Variants in PUS7 observed in about 807,000 individuals in gnomAD.
PUS7 encodes pseudouridine synthase 7.
In PUS7, 48 loss-of-function variants were observed where a neutral mutation model predicts 79.8. The observed-to-expected ratio is 0.60, with a 90% confidence interval of 0.48 to 0.76. The LOEUF is 0.76. Among genes scored for constraint, PUS7 ranks in the 30% least tolerant of loss-of-function variants. The probability of loss-of-function intolerance (pLI) is 0.00; values close to 1 mark genes in which losing one functional copy is unlikely to be tolerated. For synonymous variants in PUS7, 286 were observed against 272.2 expected (o/e 1.05, Z -0.50); for missense variants, 729 against 797.6 (o/e 0.91, Z 1.04).
At chr7:105,464,998 T>C (rs1373380091) in intron 13 of PUS7, among the ~76,000 whole-genome samples, 1 of 152,060 alleles carries the variant, frequency 6.6e-6, no homozygotes, top group Non-Finnish European at 1.5e-5. Flanking sequence ...TTTGTATTTT[T>C]AGTAGAGACG....
Position 105,505,985 on chromosome 7 carries a change from G to T in PUS7, c.555C>A (p.Phe185Leu), listed in dbSNP as rs752702466. 5 of 1,612,234 alleles carry T rather than the reference G, an allele frequency of 3.1e-6. No homozygotes were observed. The Admixed American group carries it at 5.0e-5, about 16-fold the overall frequency. ...EKQRLEELQL[F>L]KNKETSVAIE... ...TGGCAACACTGGTTTCCTTATTTTT[G>T]AACAGCTGGAGCTCTTCCAATCGCT... is the stretch of plus-strand genomic sequence containing the variant. The change falls in exon 4 of 16, where the codon TTC (phenylalanine) becomes TTA (leucine). Residue 185 changes from phenylalanine to leucine, a missense_variant. Phe to Leu is a conservative substitution (Grantham distance 22, BLOSUM62 0). Transcript: ENST00000469408.
chr7:105,457,675 A>C lies in PUS7; in HGVS notation c.*115T>G. 1 of 1,057,032 alleles carries C rather than the reference A, an allele frequency of 9.5e-7. No homozygotes were observed. The highest frequency in any genetic ancestry group is 1.6e-5 in the African/African-American group (1 of 61,592). 65.5% of individuals were successfully genotyped at this position (1,057,032 alleles called of 1,614,324 possible). On this transcript the variant is annotated 3_prime_UTR_variant, in exon 16 of 16. Coordinates refer to ENST00000469408, the MANE Select transcript of PUS7 (RefSeq NM_019042.5). ...TAATAAAAACTTAAAAATACAAATA[A>C]TTTTTATTACAAAGATTTGAAATCC...
chr7:105,490,176 C>T (rs1475503397), intron 7 of PUS7, among the ~76,000 whole-genome samples: 1 of 150,448 alleles, frequency 6.6e-6, no homozygotes, highest in Non-Finnish European at 1.5e-5. Context: ...AGGTAGCAAA[C>T]ATAGCGTACT....
intron 1 of PUS7, among the ~76,000 whole-genome samples, chr7:105,515,189 A>G (rs190756127): frequency 6.6e-6 from 1 of 152,194 alleles, no homozygotes; most frequent in Non-Finnish European, 1.5e-5. Context: ...CAGAAAACCC[A>G]TAACTATTAC....
At chr7:105,502,695 T>C in intron 4 of PUS7, 131 bp from the exon 5 acceptor site, 1 of 1,017,686 alleles carries the variant, frequency 9.8e-7, no homozygotes, top group South Asian at 1.5e-5. Flanking sequence ...GCATACGATT[T>C]CAAAAATCTT....
intron 1 of PUS7, among the ~76,000 whole-genome samples, chr7:105,514,056 C>T (rs1232028854): frequency 7.3e-6 from 1 of 136,080 alleles, no homozygotes; most frequent in African/African-American, 2.6e-5. Flanking sequence ...TGGTGAAACC[C>T]CGTCTCTACT....
chr7:105,518,170 G>A (rs964873104), intron 1 of PUS7, among the ~76,000 whole-genome samples: 30 of 150,768 alleles, frequency 2.0e-4, no homozygotes, highest in African/African-American at 6.8e-4. Flanking sequence ...AAAATAAGCC[G>A]GGCAAGGTGG....
intron 14 of PUS7, chr7:105,462,092 GA>G (rs2133038849): frequency 1.9e-5 from 1 of 51,442 alleles, no homozygotes; most frequent in South Asian, 1.3e-3. Context: ...AAAAGGAAAA[GA>G]AAAAGAAAAG....
rs1823241225 is a variant in PUS7 at position 105,457,679 on chromosome 7, T to A, written c.*111A>T. On this transcript the variant is annotated 3_prime_UTR_variant, in exon 16 of 16. Coordinates refer to ENST00000469408, the MANE Select transcript of PUS7 (RefSeq NM_019042.5). ...AAAAACTTAAAAATACAAATAATTT[T>A]TATTACAAAGATTTGAAATCCATAT... 1 of 1,075,858 alleles carries A rather than the reference T, an allele frequency of 9.3e-7. No individual in the cohort carries two copies. Among genetic ancestry groups the A allele is most frequent in the Non-Finnish European group, 1.3e-6 (1 of 778,288 alleles). 66.6% of individuals were successfully genotyped at this position (1,075,858 alleles called of 1,614,324 possible). A position where few individuals can be genotyped will look rare whatever the true frequency, so the allele number is the denominator to read the frequency against.
intron 6 of PUS7, among the ~76,000 whole-genome samples, chr7:105,492,658 A>C (rs1371886596): frequency 6.6e-6 from 1 of 151,218 alleles, no homozygotes; most frequent in Non-Finnish European, 1.5e-5. Flanking sequence ...GGCGCCCGCC[A>C]CTACGCCCGG....
At position 105,517,349 on chromosome 7, in the gene PUS7, C is replaced by A. The variant is rs818480; in HGVS notation, c.-33+4703G>T. Among the ~76,000 whole-genome samples, 811 of 151,882 alleles carry A rather than the reference C, an allele frequency of 5.3e-3. 8 individuals are homozygous for A. The highest frequency in any genetic ancestry group is 0.018 in the African/African-American group (747 of 41,438). On this transcript the variant is annotated intron_variant, in intron 1 of 15. Coordinates refer to ENST00000469408, the MANE Select transcript of PUS7 (RefSeq NM_019042.5). Reference sequence around the variant, plus strand: ...CTAATTTTTGTATTTTTAGTAGAGACGGGTTTTCACCATGTTGGCCAGGCT... The same window carrying A: ...CTAATTTTTGTATTTTTAGTAGAGAAGGGTTTTCACCATGTTGGCCAGGCT...
Position 105,486,669 on chromosome 7 carries a change from G to A in PUS7, c.921-4229C>T, listed in dbSNP as rs535705850. 3.7e-4 allele frequency among the ~76,000 whole-genome samples: 56 copies of A among 152,276 alleles called. No individual in the cohort carries two copies. In the South Asian group the frequency reaches 8.7e-3, roughly 24 times the overall value. On this transcript the variant is annotated intron_variant, in intron 7 of 15. Transcript: ENST00000469408. ...CAATTCAGGGTCAGGAGCTGTCCTA[G>A]AGAGAGTGTTCCGGAGACTGCTTCC...
At chr7:105,487,879 G>C (rs546685876) in intron 7 of PUS7, among the ~76,000 whole-genome samples, 3 of 152,184 alleles carry the variant, frequency 2.0e-5, no homozygotes, top group Non-Finnish European at 2.9e-5. Context: ...GTTTCATGAA[G>C]CTGAAAAGAC....
At chr7:105,486,786 A>G (rs1824567697) in intron 7 of PUS7, among the ~76,000 whole-genome samples, 1 of 151,822 alleles carries the variant, frequency 6.6e-6, no homozygotes, top group African/African-American at 2.4e-5. Flanking sequence ...AAGGCTGGGC[A>G]TGGTGGCTCA....
At position 105,457,360 on chromosome 7, in the gene PUS7, T is replaced by TCTCAAATTATTTATC. The variant is rs1195627778; in HGVS notation, c.*415_*429dup. On this transcript the variant is annotated 3_prime_UTR_variant, in exon 16 of 16. Coordinates refer to ENST00000469408, the MANE Select transcript of PUS7 (RefSeq NM_019042.5). ...TGTATTTATATTTGTGGGTGGCAGC[T>TCTCAAATTATTTATC]CTCAAATTATTTATCCATAGTCCAG... The TCTCAAATTATTTATC allele has an allele frequency of 1.3e-5, 2 of 152,866 alleles. No homozygotes were observed. The highest frequency in any genetic ancestry group is 4.8e-5 in the African/African-American group (2 of 41,468). The allele number at this position is 152,866 out of a possible 1,614,324, so 9.5% of individuals were successfully genotyped here. A position where few individuals can be genotyped will look rare whatever the true frequency, so the allele number is the denominator to read the frequency against.
intron 4 of PUS7, among the ~76,000 whole-genome samples, chr7:105,503,327 G>T (rs566314388): frequency 6.6e-6 from 1 of 152,274 alleles, no homozygotes; most frequent in East Asian, 1.9e-4. Flanking sequence ...TTTGGTATGT[G>T]AGAAGCTCAG....
intron 11 of PUS7, 71 bp from the exon 12 acceptor site, chr7:105,468,534 T>C: frequency 7.3e-7 from 1 of 1,366,628 alleles, no homozygotes; most frequent in Non-Finnish European, 1.0e-6. Flanking sequence ...TTTTTTTTTT[T>C]TGAGATGGGG....
At position 105,505,199 on chromosome 7, in the gene PUS7, C is replaced by T. The variant is rs566030718; in HGVS notation, c.585+756G>A. On this transcript the variant is annotated intron_variant, in intron 4 of 15. Transcript: ENST00000469408. Reference sequence around the variant, plus strand: ...TGTATTTTTAGTAGAGACGGGATTTCGCCATGTTGGCCAGGCTGGTCTTGA... The same window carrying T: ...TGTATTTTTAGTAGAGACGGGATTTTGCCATGTTGGCCAGGCTGGTCTTGA... 3.2e-4 allele frequency among the ~76,000 whole-genome samples: 48 copies of T among 152,130 alleles called. No homozygotes were observed. In the South Asian group the frequency reaches 7.9e-3, roughly 25 times the overall value.
At chr7:105,521,054 C>A (rs959812257) in intron 1 of PUS7, among the ~76,000 whole-genome samples, 5 of 152,098 alleles carry the variant, frequency 3.3e-5, no homozygotes, top group Non-Finnish European at 7.3e-5. Flanking sequence ...AACATGTTCA[C>A]AAGGAGTTGT....
Sources: gnomAD v4.1 joint callset for allele counts (sites outside exome capture counted in the v4.1 genomes callset) on GRCh38, gnomAD v4.1.1 for gene constraint, MANE v1.5 for transcripts, NCBI Gene and HGNC (gene_info 2026-07-23, HGNC 2026-07-21) for gene names.